Variants in TENM4 observed in about 807,000 individuals in gnomAD.
The protein encoded by TENM4 is teneurin-4.
In TENM4, 82 loss-of-function variants were observed where a neutral mutation model predicts 243.3. The observed-to-expected ratio is 0.34, with a 90% CI of 0.28 to 0.40. The LOEUF (loss-of-function observed/expected upper bound fraction) is 0.40. Among genes scored for constraint, TENM4 ranks in the 10% least tolerant of loss-of-function variants. TENM4 has a pLI of 1.00. For missense variants in TENM4, 3,138 were observed against 3,673.3 expected (o/e 0.85, Z 3.77); for synonymous variants, 1,412 against 1,456.3 (o/e 0.97, Z 0.69).
chr11:79,358,232 T>C (rs1857530002), intron 1 of TENM4, among the ~76,000 whole-genome samples: 3 of 152,250 alleles, frequency 2.0e-5, no homozygotes, highest in Non-Finnish European at 4.4e-5. Flanking sequence ...TCCCCAAACA[T>C]AGGATTGACA....
chr11:79,228,624 A>G (rs1194967718), intron 2 of TENM4, among the ~76,000 whole-genome samples: 1 of 151,984 alleles, frequency 6.6e-6, no homozygotes, highest in Non-Finnish European at 1.5e-5. Flanking sequence ...AAGTTGGAAA[A>G]CAAAGAGTCC....
intron 30 of TENM4, among the ~76,000 whole-genome samples, chr11:78,675,272 T>A (rs956289148): frequency 1.3e-5 from 2 of 148,488 alleles, no homozygotes; most frequent in Non-Finnish European, 3.1e-5. Flanking sequence ...TCAGTGAACT[T>A]TCTTTGCTGA....
intron 2 of TENM4, among the ~76,000 whole-genome samples, chr11:79,245,923 G>C (rs1362796996): frequency 9.4e-6 from 1 of 106,700 alleles, no homozygotes; most frequent in African/African-American, 3.8e-5. Flanking sequence ...CTGAGTGACA[G>C]AGAAAGACTT....
At chr11:78,788,254 G>C (rs1171919006) in intron 15 of TENM4, among the ~76,000 whole-genome samples, 1 of 152,204 alleles carries the variant, frequency 6.6e-6, no homozygotes, top group Non-Finnish European at 1.5e-5. Context: ...CAATCTACAA[G>C]ACAATGAATA....
intron 2 of TENM4, among the ~76,000 whole-genome samples, chr11:79,218,869 G>A (rs1468764758): frequency 1.3e-5 from 2 of 152,200 alleles, no homozygotes. Flanking sequence ...GTTAGGAAGG[G>A]ATTATGGCAT....
intron 6 of TENM4, among the ~76,000 whole-genome samples, chr11:78,952,477 A>G (rs1565141176): frequency 6.6e-6 from 1 of 152,192 alleles, no homozygotes; most frequent in Admixed American, 6.5e-5. Flanking sequence ...GATTAAAGGG[A>G]GAGACAGGGG....
chr11:79,124,343 G>A (rs1388929632), intron 4 of TENM4, among the ~76,000 whole-genome samples: 2 of 152,080 alleles, frequency 1.3e-5, no homozygotes, highest in East Asian at 1.9e-4. Flanking sequence ...CCCTTAATAT[G>A]GATTGGCAAA....
chr11:78,665,245 T>C (rs1044635133), intron 32 of TENM4, among the ~76,000 whole-genome samples: 10 of 151,872 alleles, frequency 6.6e-5, no homozygotes, highest in Admixed American at 2.6e-4. Flanking sequence ...CTTTCTCTCT[T>C]TCTTTTCTTT....
intron 28 of TENM4, among the ~76,000 whole-genome samples, chr11:78,700,570 G>C (rs1171717272): frequency 1.3e-5 from 2 of 152,142 alleles, no homozygotes; most frequent in Non-Finnish European, 2.9e-5. Flanking sequence ...AAAAATCTAA[G>C]TAGAAAGAGC....
chr11:79,383,546 T>C (rs1018940995), intron 1 of TENM4, among the ~76,000 whole-genome samples: 3 of 152,166 alleles, frequency 2.0e-5, no homozygotes, highest in Admixed American at 2.0e-4. Flanking sequence ...ACAAACTCAG[T>C]AAGGAGTAAA....
chr11:79,030,689 C>G (rs1859206796), intron 6 of TENM4, among the ~76,000 whole-genome samples: 2 of 152,170 alleles, frequency 1.3e-5, no homozygotes, highest in African/African-American at 4.8e-5. Context: ...TATCCTTCCA[C>G]AATCCCCAGG....
intron 6 of TENM4, among the ~76,000 whole-genome samples, chr11:79,012,043 A>T (rs1427203562): frequency 6.6e-6 from 1 of 152,178 alleles, no homozygotes; most frequent in African/African-American, 2.4e-5. Context: ...CTTGGGACAA[A>T]CTGCAATCCA....
chr11:78,996,591 G>A (rs577117480), intron 6 of TENM4, among the ~76,000 whole-genome samples: 5 of 152,284 alleles, frequency 3.3e-5, no homozygotes, highest in Middle Eastern at 6.8e-3. Context: ...TACCCAGAAG[G>A]GATAGGAAGG....
At chr11:79,191,739 G>A (rs1353299909) in intron 3 of TENM4, 9 of 182,296 alleles carry the variant, frequency 4.9e-5, no homozygotes, top group South Asian at 9.4e-5. Flanking sequence ...CTGCCCCGCC[G>A]CCCCATCTGG....
At chr11:79,025,490 T>A (rs7110696) in intron 6 of TENM4, among the ~76,000 whole-genome samples, 9 of 152,010 alleles carry the variant, frequency 5.9e-5, no homozygotes, top group African/African-American at 2.2e-4. Context: ...CCCAAGGCCA[T>A]GGAGACAGCA....
chr11:78,957,319 A>G (rs763768334), intron 6 of TENM4, among the ~76,000 whole-genome samples: 28 of 152,170 alleles, frequency 1.8e-4, no homozygotes, highest in Non-Finnish European at 4.0e-4. Flanking sequence ...CAACAACAAC[A>G]ACAACAAAAT....
At chr11:78,865,162 A>G (rs1257844184) in intron 9 of TENM4, among the ~76,000 whole-genome samples, 1 of 152,262 alleles carries the variant, frequency 6.6e-6, no homozygotes, top group African/African-American at 2.4e-5. Flanking sequence ...ACTTAATGAT[A>G]TGCCAGGCAT....
At chr11:79,291,698 A>G (rs1479736999) in intron 2 of TENM4, among the ~76,000 whole-genome samples, 1 of 152,120 alleles carries the variant, frequency 6.6e-6, no homozygotes, top group African/African-American at 2.4e-5. Context: ...GCGCAGTATT[A>G]TTACTCCAGT....
intron 17 of TENM4, among the ~76,000 whole-genome samples, chr11:78,777,216 A>C (rs1856755700): frequency 6.6e-6 from 1 of 152,210 alleles, no homozygotes; most frequent in Non-Finnish European, 1.5e-5. Context: ...GAGGCTAGGA[A>C]GTACTACTCT....
Sources: allele counts gnomAD v4.1 joint callset (sites outside exome capture counted in the v4.1 genomes callset), GRCh38; gene constraint gnomAD v4.1.1; transcripts MANE v1.5; gene names NCBI Gene and HGNC (gene_info 2026-07-23, HGNC 2026-07-21).